The following MAF variants were observed in gnomAD, a reference collection of about 807,000 sequenced individuals.
MAF encodes the protein transcription factor Maf.
MAF carries 10 observed loss-of-function variants against 22.0 expected under a neutral mutation model. That is an observed-to-expected ratio of 0.45 (90% CI 0.28 to 0.77). The LOEUF is 0.77. Among genes scored for constraint, MAF ranks in the 30% least tolerant of loss-of-function variants. The pLI, the probability that MAF is intolerant of heterozygous loss-of-function variation, is 0.12. For synonymous variants in MAF, 337 were observed against 255.8 expected, an observed-to-expected ratio of 1.32 and a Z score of -3.03; for missense variants, 544 against 548.4, an observed-to-expected ratio of 0.99 and a Z score of 0.08.
chr16:79,493,907 GT>G, the MAF span, among the ~76,000 whole-genome samples: 298 of 140,902 alleles, frequency 2.1e-3, no homozygotes, highest in East Asian at 4.1e-3. Flanking sequence ...CATGGAACTG[GT>G]TTTTTTTTTT....
the MAF span, among the ~76,000 whole-genome samples, chr16:79,442,302 T>C: frequency 2.0e-5 from 3 of 152,190 alleles, no homozygotes; most frequent in Non-Finnish European, 4.4e-5. Context: ...CCGAAAGAAC[T>C]AAGCAAAGAT....
the MAF span, among the ~76,000 whole-genome samples, chr16:79,378,168 A>G: frequency 1.3e-5 from 2 of 152,096 alleles, no homozygotes; most frequent in East Asian, 1.9e-4. Context: ...GAGCACTCAC[A>G]TGTTAATCTA....
At chr16:79,474,185 C>A in the MAF span, among the ~76,000 whole-genome samples, 1 of 152,136 alleles carries the variant, frequency 6.6e-6, no homozygotes. Flanking sequence ...AATTAAAGCT[C>A]AAGGGCTACC....
At chr16:79,262,314 A>G in the MAF span, among the ~76,000 whole-genome samples, 3 of 152,142 alleles carry the variant, frequency 2.0e-5, no homozygotes, top group Admixed American at 6.5e-5. Context: ...TGTTCTCTCT[A>G]ATACTCACAG....
chr16:79,246,073 C>T, the MAF span, among the ~76,000 whole-genome samples: 6 of 151,848 alleles, frequency 4.0e-5, no homozygotes, highest in Non-Finnish European at 8.8e-5. Context: ...GAGGGGTTAG[C>T]GGAGGGATAG....
At chr16:79,409,311 G>A in the MAF span, among the ~76,000 whole-genome samples, 10 of 152,134 alleles carry the variant, frequency 6.6e-5, no homozygotes, top group South Asian at 2.1e-4. Flanking sequence ...AAAGGAAGTC[G>A]CGCTGTTTTC....
At chr16:79,229,343 C>T in the MAF span, 11 of 151,526 alleles carry the variant, frequency 7.3e-5, no homozygotes, top group East Asian at 2.0e-3. Context: ...GCGCGAGGCT[C>T]CTCCGGAAAG....
the MAF span, among the ~76,000 whole-genome samples, chr16:79,496,455 T>A: frequency 7.2e-5 from 11 of 152,342 alleles, no homozygotes; most frequent in South Asian, 1.2e-3. Flanking sequence ...ACAACCTAAA[T>A]TCTTTTACTG....
chr16:79,475,940 A>G, the MAF span, among the ~76,000 whole-genome samples: 14 of 152,126 alleles, frequency 9.2e-5, no homozygotes, highest in African/African-American at 3.1e-4. Flanking sequence ...TCCTGTGATT[A>G]TGTTACATTA....
At chr16:79,372,677 A>G in the MAF span, among the ~76,000 whole-genome samples, 1 of 152,100 alleles carries the variant, frequency 6.6e-6, no homozygotes, top group African/African-American at 2.4e-5. Context: ...AATCACAGTT[A>G]TTGAGAAATT....
At chr16:79,277,512 A>G in the MAF span, among the ~76,000 whole-genome samples, 121,809 of 152,136 alleles carry the variant, frequency 0.8, 49,261 homozygotes, top group East Asian at 0.99. Context: ...TTACCTCTCT[A>G]AGATTAGTAC....
the MAF span, among the ~76,000 whole-genome samples, chr16:79,321,852 G>T: frequency 2.0e-5 from 3 of 151,888 alleles, no homozygotes; most frequent in Admixed American, 1.3e-4. Flanking sequence ...ACCGTGCCCG[G>T]CTGACAGGGT....
At chr16:79,325,754 A>G in the MAF span, among the ~76,000 whole-genome samples, 1 of 152,088 alleles carries the variant, frequency 6.6e-6, no homozygotes, top group Admixed American at 6.5e-5. Context: ...AGGAAGACCC[A>G]GTTCTTCACT....
At chr16:79,549,946 A>G in the MAF span, among the ~76,000 whole-genome samples, 1 of 152,172 alleles carries the variant, frequency 6.6e-6, no homozygotes, top group Non-Finnish European at 1.5e-5. Flanking sequence ...TTAAGCACCA[A>G]TTAACTGAGA....
the MAF span, among the ~76,000 whole-genome samples, chr16:79,381,843 G>T: frequency 6.6e-6 from 1 of 152,190 alleles, no homozygotes; most frequent in Non-Finnish European, 1.5e-5. Flanking sequence ...GATATGCTGT[G>T]ATTGAACTCA....
At chr16:79,263,246 A>T in the MAF span, among the ~76,000 whole-genome samples, 2 of 152,206 alleles carry the variant, frequency 1.3e-5, no homozygotes, top group African/African-American at 4.8e-5. Flanking sequence ...TGGCCAAGTC[A>T]TTGCAACTTT....
At chr16:79,429,831 A>G in the MAF span, among the ~76,000 whole-genome samples, 1 of 152,190 alleles carries the variant, frequency 6.6e-6, no homozygotes, top group Admixed American at 6.5e-5. Context: ...TGTACGCAAC[A>G]TTCCAGTACT....
chr16:79,404,295 C>T, the MAF span, among the ~76,000 whole-genome samples: 1 of 151,726 alleles, frequency 6.6e-6, no homozygotes, highest in East Asian at 1.9e-4. Flanking sequence ...TCCGGAGTAG[C>T]TGGGACTACA....
At chr16:79,295,447 C>T in the MAF span, among the ~76,000 whole-genome samples, 4 of 152,142 alleles carry the variant, frequency 2.6e-5, no homozygotes, top group African/African-American at 9.7e-5. Flanking sequence ...GGTTACAGCT[C>T]GGTGTTTGCC....
Sources: allele counts gnomAD v4.1 joint callset (sites outside exome capture counted in the v4.1 genomes callset), GRCh38; gene constraint gnomAD v4.1.1; transcripts MANE v1.5; gene names NCBI Gene and HGNC (gene_info 2026-07-23, HGNC 2026-07-21).